The following KIAA0825 variants were observed in gnomAD, a reference collection of about 807,000 sequenced individuals.
The protein encoded by KIAA0825 is uncharacterized protein KIAA0825.
A neutral mutation model predicts 147.6 loss-of-function variants in KIAA0825; 119 were observed. That is an observed-to-expected ratio of 0.81 (90% CI 0.69 to 0.94). KIAA0825 has a LOEUF of 0.94. KIAA0825 is among the 40% of genes least tolerant of loss of function. The pLI is 0.00. For missense variants in KIAA0825, 1,381 were observed against 1,472.7 expected (o/e 0.94, Z 1.02); for synonymous variants, 470 against 518.1 (o/e 0.91, Z 1.26).
chr5:94,586,567 A>C (rs577220497), intron 1 of KIAA0825, among the ~76,000 whole-genome samples: 1 of 152,318 alleles, frequency 6.6e-6, no homozygotes, highest in East Asian at 1.9e-4. Context: ...ACCAACCAAA[A>C]AAACTCCAGG....
In KIAA0825 at chr5:94,152,900, AT is replaced by A. The variant is rs1562284301; in HGVS notation, c.*1106del. On this transcript the variant is annotated 3_prime_UTR_variant, in exon 21 of 21. Coordinates refer to ENST00000682413, the MANE Select transcript of KIAA0825 (RefSeq NM_001145678.3). ...TATATATATATATATATATATATAT[AT>A]ATGGTTTCTCCCAGACGTTCTTAGA... 4.2e-3 allele frequency: 175 copies of A among 41,496 alleles called. 56 individuals are homozygous for A. The highest frequency in any genetic ancestry group is 0.023 in the Middle Eastern group (1 of 44). The allele number at this position is 41,496 out of a possible 1,614,324, so 2.6% of individuals were successfully genotyped here.
At chr5:94,587,219 AG>A (rs1783469165) in intron 1 of KIAA0825, among the ~76,000 whole-genome samples, 1 of 152,220 alleles carries the variant, frequency 6.6e-6, no homozygotes. Context: ...AAAGAAATAA[AG>A]GGTATTCAAT....
intron 20 of KIAA0825, among the ~76,000 whole-genome samples, chr5:94,271,492 A>T (rs1466908718): frequency 6.6e-6 from 1 of 152,222 alleles, no homozygotes; most frequent in African/African-American, 2.4e-5. Flanking sequence ...TCATGCCTGT[A>T]ATCCTAACAC....
Position 94,396,253 on chromosome 5 carries a change from C to G in KIAA0825, c.3144G>C (p.Leu1048Phe). 6.4e-7 allele frequency: 1 copy of G among 1,551,508 alleles called. No homozygotes were observed. Among genetic ancestry groups the G allele is most frequent in the Non-Finnish European group, 8.7e-7 (1 of 1,146,874 alleles). ...TTTTCAAACACATACAAATTAAACC[C>G]AATTTTTCTTTACTCCATCTGTCAA... is the stretch of plus-strand genomic sequence containing the variant. ...ASLDRWSKEK[L>F]GLICMCLKSI... The change falls in exon 17 of 21, where the codon TTG (leucine) becomes TTC (phenylalanine). Residue 1048 changes from leucine (L) to phenylalanine (F), a missense_variant. Transcript: ENST00000682413.
chr5:94,195,271 C>T (rs1317389601), intron 20 of KIAA0825, among the ~76,000 whole-genome samples: 1 of 152,200 alleles, frequency 6.6e-6, no homozygotes, highest in African/African-American at 2.4e-5. Context: ...ATAAGTGTAG[C>T]ATCAATGATT....
At position 94,199,402 on chromosome 5, in the gene KIAA0825, C is replaced by G. The variant is rs147728556; in HGVS notation, c.3711-45278G>C. Among the ~76,000 whole-genome samples, 14 of 152,282 alleles carry G rather than the reference C, an allele frequency of 9.2e-5. No individual in the cohort carries two copies. The East Asian group carries it at 2.5e-3, about 27-fold the overall frequency. On this transcript the variant is annotated intron_variant, in intron 20 of 20. Coordinates refer to ENST00000682413, the MANE Select transcript of KIAA0825 (RefSeq NM_001145678.3). ...TTCTCTGGTCCCTCAAGGTCAAGCA[C>G]CTGTTGCACCAGAGGAGCCAAGGTA...
intron 20 of KIAA0825, among the ~76,000 whole-genome samples, chr5:94,250,036 T>C (rs1026202100): frequency 6.6e-6 from 1 of 152,112 alleles, no homozygotes; most frequent in African/African-American, 2.4e-5. Flanking sequence ...TTCACTGGTC[T>C]TCAGGTTTTT....
chr5:94,230,870 C>T (rs942893010), intron 20 of KIAA0825, among the ~76,000 whole-genome samples: 2 of 152,060 alleles, frequency 1.3e-5, no homozygotes, highest in Non-Finnish European at 2.9e-5. Flanking sequence ...CTGTTACATG[C>T]AACATAAAAT....
intron 20 of KIAA0825, among the ~76,000 whole-genome samples, chr5:94,216,921 C>G (rs1440781352): frequency 6.6e-6 from 1 of 152,150 alleles, no homozygotes; most frequent in Non-Finnish European, 1.5e-5. Context: ...AATTAAATAA[C>G]TTGAATCAGG....
intron 15 of KIAA0825, chr5:94,416,820 C>A (rs188013346): frequency 1.8e-4 from 33 of 180,432 alleles, no homozygotes; most frequent in African/African-American, 7.4e-4. Flanking sequence ...ATAGTATTGT[C>A]CATTAATTTG....
intron 20 of KIAA0825, among the ~76,000 whole-genome samples, chr5:94,352,402 A>T (rs1562406227): frequency 6.6e-6 from 1 of 152,122 alleles, no homozygotes; most frequent in African/African-American, 2.4e-5. Flanking sequence ...TGACTATAAT[A>T]AAAAAATCAA....
chr5:94,497,770 G>T (rs151055383), intron 5 of KIAA0825, among the ~76,000 whole-genome samples: 2 of 152,246 alleles, frequency 1.3e-5, no homozygotes, highest in African/African-American at 4.8e-5. Flanking sequence ...AGATTGCCAG[G>T]CCCACTCCCA....
intron 1 of KIAA0825, among the ~76,000 whole-genome samples, chr5:94,608,480 TA>T (rs1403795224): frequency 5.3e-5 from 2 of 37,452 alleles, no homozygotes; most frequent in African/African-American, 1.1e-4. Flanking sequence ...ATATAATATA[TA>T]TATATATATA....
intron 1 of KIAA0825, among the ~76,000 whole-genome samples, chr5:94,589,231 G>A (rs1388582250): frequency 6.6e-6 from 1 of 152,160 alleles, no homozygotes; most frequent in Non-Finnish European, 1.5e-5. Context: ...TGATTAAGTT[G>A]ATTTGGGGTT....
chr5:94,208,214 T>G (rs916425292), intron 20 of KIAA0825, among the ~76,000 whole-genome samples: 11 of 152,156 alleles, frequency 7.2e-5, no homozygotes, highest in African/African-American at 2.4e-4. Context: ...ACAAACTGTA[T>G]ATAAGTAAAA....
chr5:94,296,666 G>T (rs1778153047), intron 20 of KIAA0825, among the ~76,000 whole-genome samples: 1 of 152,096 alleles, frequency 6.6e-6, no homozygotes, highest in Non-Finnish European at 1.5e-5. Flanking sequence ...GGAGTTCCCT[G>T]ATCCTTTGCA....
intron 20 of KIAA0825, among the ~76,000 whole-genome samples, chr5:94,330,211 G>C (rs1162209285): frequency 6.6e-6 from 1 of 152,132 alleles, no homozygotes; most frequent in Non-Finnish European, 1.5e-5. Context: ...CATAGAAGAG[G>C]TGAAAAATAT....
intron 20 of KIAA0825, among the ~76,000 whole-genome samples, chr5:94,200,727 A>T (rs916261102): frequency 6.6e-6 from 1 of 151,936 alleles, no homozygotes; most frequent in Non-Finnish European, 1.5e-5. Context: ...TTTTCCTAAA[A>T]TGAAGCAAAA....
intron 14 of KIAA0825, among the ~76,000 whole-genome samples, chr5:94,424,139 G>C (rs115620547): frequency 0.046 from 7,012 of 152,046 alleles, 197 homozygotes; most frequent in East Asian, 0.11. Flanking sequence ...TAATACTTCT[G>C]TATAACTGTC....
Sources: allele counts gnomAD v4.1 joint callset (sites outside exome capture counted in the v4.1 genomes callset), GRCh38; gene constraint gnomAD v4.1.1; transcripts MANE v1.5; gene names NCBI Gene and HGNC (gene_info 2026-07-23, HGNC 2026-07-21).